The following NDUFA10 variants were observed in gnomAD, a reference collection of about 807,000 sequenced individuals.
NDUFA10 encodes NADH dehydrogenase [ubiquinone] 1 alpha subcomplex subunit 10, mitochondrial.
Under a neutral mutation model 47.8 loss-of-function variants are expected in NDUFA10, and 40 were observed. The observed-to-expected ratio is 0.84, with a 90% CI of 0.65 to 1.09. NDUFA10 has a LOEUF of 1.09. Ranked by LOEUF, NDUFA10 falls within the 50% of genes least tolerant of loss-of-function variation. NDUFA10 has a pLI of 0.00. For missense variants in NDUFA10, 413 were observed against 451.1 expected (o/e 0.92, Z 0.76); for synonymous variants, 183 against 172.2 (o/e 1.06, Z -0.49).
intron 9 of NDUFA10, among the ~76,000 whole-genome samples, chr2:239,963,698 C>T (rs901884729): frequency 2.6e-5 from 4 of 152,206 alleles, no homozygotes; most frequent in African/African-American, 7.2e-5. Flanking sequence ...TGGAAACCTG[C>T]GTCTGTGGCT....
intron 9 of NDUFA10, among the ~76,000 whole-genome samples, chr2:239,963,349 G>A (rs1694931267): frequency 6.6e-6 from 1 of 152,208 alleles, no homozygotes; most frequent in Non-Finnish European, 1.5e-5. Flanking sequence ...CAGGGCCAGG[G>A]GGATCCCCCA....
intron 5 of NDUFA10, 60 bp from the exon 6 acceptor site, chr2:240,011,756 T>A: frequency 1.4e-6 from 2 of 1,418,676 alleles, no homozygotes; most frequent in South Asian, 2.3e-5. Context: ...CTTTGACCTG[T>A]GCGTATATAA....
chr2:239,988,162 T>C (rs987913679), intron 9 of NDUFA10, among the ~76,000 whole-genome samples: 1 of 152,092 alleles, frequency 6.6e-6, no homozygotes, highest in Non-Finnish European at 1.5e-5. Flanking sequence ...ATATTGAATA[T>C]AAAGACACAG....
At chr2:239,975,484 T>A (rs1695482292) in intron 9 of NDUFA10, among the ~76,000 whole-genome samples, 2 of 152,210 alleles carry the variant, frequency 1.3e-5, no homozygotes, top group Admixed American at 6.5e-5. Context: ...CTTGCCCAAA[T>A]GTGAGTCCTG....
chr2:239,907,154 G>A (rs1230354494), intron 4 of NDUFA10, among the ~76,000 whole-genome samples: 1 of 152,150 alleles, frequency 6.6e-6, no homozygotes, highest in South Asian at 2.1e-4. Flanking sequence ...AACAAGAAAT[G>A]GGGAAAGGAT....
At position 239,987,776 on chromosome 2, in the gene NDUFA10, C is replaced by G. The variant is rs1412148844; in HGVS notation, c.999+2298G>C. Reference sequence around the variant, plus strand: ...GCTGCCGAGCACAGCTCCGAACAGTCGCAGATGCCTGTGGGACTAACACGT... The same window carrying G: ...GCTGCCGAGCACAGCTCCGAACAGTGGCAGATGCCTGTGGGACTAACACGT... On this transcript the variant is annotated intron_variant, in intron 9 of 9. Transcript: ENST00000252711. This position sits in a 1 kb window ranked among gnomAD's most constrained non-coding sequence, Gnocchi z 4.8. 1.3e-5 allele frequency among the ~76,000 whole-genome samples: 2 copies of G among 152,316 alleles called. No homozygotes were observed. The highest frequency in any genetic ancestry group is 4.1e-4 in the South Asian group (2 of 4,826).
chr2:240,007,599 C>A (rs1329593115), intron 6 of NDUFA10, among the ~76,000 whole-genome samples: 1 of 152,210 alleles, frequency 6.6e-6, no homozygotes, highest in African/African-American at 2.4e-5. Context: ...AACAGCAGGA[C>A]CATTTCCTCG....
intron 4 of NDUFA10, among the ~76,000 whole-genome samples, chr2:239,919,386 T>C (rs915139350): frequency 2.0e-5 from 3 of 151,826 alleles, no homozygotes; most frequent in African/African-American, 7.3e-5. Context: ...CTTGAATTAC[T>C]CGACTAGCCT....
At chr2:240,006,959 T>C (rs976540166) in intron 7 of NDUFA10, among the ~76,000 whole-genome samples, 4 of 152,266 alleles carry the variant, frequency 2.6e-5, no homozygotes, top group Non-Finnish European at 5.9e-5. Flanking sequence ...CAAGATTTAC[T>C]AGACTTTCAC....
chr2:239,915,597 CAT>C lies in NDUFA10; in HGVS notation c.295-20285_295-20284del, dbSNP rs1300445124. Among the ~76,000 whole-genome samples the C allele has an allele frequency of 1.2e-4, 18 of 146,996 alleles. No individual in the cohort carries two copies. The East Asian group carries it at 2.8e-3, about 23-fold the overall frequency. On this transcript the variant is annotated intron_variant, in intron 4 of 5. Coordinates refer to the NDUFA10 transcript ENST00000419408. ...ATACAGACACACACACAGAGATACA[CAT>C]ACACACACACACACATACACAGACA... is the stretch of plus-strand genomic sequence containing the variant.
At chr2:239,951,683 G>T (rs929322123) in intron 4 of NDUFA10, among the ~76,000 whole-genome samples, 41 of 152,334 alleles carry the variant, frequency 2.7e-4, no homozygotes, top group Middle Eastern at 3.4e-3. Context: ...GACTCTAATG[G>T]CAAGTAAAAG....
At chr2:239,988,717 C>G (rs1411197129) in intron 9 of NDUFA10, among the ~76,000 whole-genome samples, 1 of 152,234 alleles carries the variant, frequency 6.6e-6, no homozygotes. Context: ...TGTGGGTTTT[C>G]TGGCCTACAC....
At chr2:239,948,058 G>A (rs565880431) in intron 4 of NDUFA10, among the ~76,000 whole-genome samples, 52 of 152,334 alleles carry the variant, frequency 3.4e-4, no homozygotes, top group African/African-American at 1.2e-3. Flanking sequence ...TGAGGTCGGG[G>A]GACAAGCTCT....
chr2:239,965,308 G>C (rs759518382), intron 9 of NDUFA10, among the ~76,000 whole-genome samples: 3 of 152,022 alleles, frequency 2.0e-5, no homozygotes, highest in East Asian at 1.9e-4. Context: ...ACCATGCGGG[G>C]GGGGAGGGGT....
At chr2:240,015,283 G>C (rs559694247) in intron 4 of NDUFA10, among the ~76,000 whole-genome samples, 1 of 152,336 alleles carries the variant, frequency 6.6e-6, no homozygotes, top group African/African-American at 2.4e-5. Flanking sequence ...CGTAGGTCAC[G>C]CAAGATGGAG....
intron 4 of NDUFA10, among the ~76,000 whole-genome samples, chr2:239,901,382 G>T (rs148819378): frequency 8.5e-5 from 13 of 152,074 alleles, no homozygotes; most frequent in African/African-American, 2.9e-4. Context: ...GTAATAAATG[G>T]AATAAGAAAG....
At chr2:239,950,100 G>T (rs66550334) in intron 4 of NDUFA10, among the ~76,000 whole-genome samples, 1 of 151,940 alleles carries the variant, frequency 6.6e-6, no homozygotes, top group Admixed American at 6.5e-5. Context: ...TAGGGAGGGG[G>T]CACACCTCAG....
chr2:239,911,671 G>C (rs916983541), intron 4 of NDUFA10, among the ~76,000 whole-genome samples: 2 of 24,652 alleles, frequency 8.1e-5, no homozygotes, highest in Non-Finnish European at 1.1e-4. Context: ...ACATGAGAGA[G>C]TGTGTGTGCG....
intron 9 of NDUFA10, among the ~76,000 whole-genome samples, chr2:239,985,703 A>G (rs1695971716): frequency 6.6e-6 from 1 of 152,180 alleles, no homozygotes; most frequent in African/African-American, 2.4e-5. Flanking sequence ...TGAGATCAGG[A>G]GTTTGAGACT....
Sources: allele counts gnomAD v4.1 joint callset (sites outside exome capture counted in the v4.1 genomes callset), GRCh38; gene constraint gnomAD v4.1.1; non-coding constraint Gnocchi (gnomAD v3.1); transcripts MANE v1.5; gene names NCBI Gene and HGNC (gene_info 2026-07-23, HGNC 2026-07-21).